LINGO2: variants seen among roughly 807,000 people sequenced by gnomAD.
LINGO2 encodes leucine-rich repeat and immunoglobulin-like domain-containing nogo receptor-interacting protein 2.
LINGO2 carries 14 observed loss-of-function variants against 30.6 expected under a neutral mutation model. The ratio of observed to expected loss-of-function variants is 0.46; its 90% CI spans 0.30 to 0.72. The LOEUF is 0.72. Ranked by LOEUF, LINGO2 falls within the 30% of genes least tolerant of loss-of-function variation. The pLI is 0.07. For synonymous variants in LINGO2, 317 were observed against 288.5 expected (o/e 1.10, Z -1.00); for missense variants, 729 against 751.7 (o/e 0.97, Z 0.35).
chr9:28,201,905 C>T (rs754821021), intron 4 of LINGO2, among the ~76,000 whole-genome samples: 19 of 152,088 alleles, frequency 1.2e-4, no homozygotes, highest in African/African-American at 4.6e-4. Context: ...GCTACACTTG[C>T]GATCTCCCTT....
In LINGO2 at chr9:28,233,061, T is replaced by TATATATATATATATATAA. The variant is rs60875467; in HGVS notation, c.-87+62146_-87+62147insTTATATATATATATATAT. ...ATATATATATATATATATATATATA[T>TATATATATATATATATAA]TAGATATATAATAGATATACAGTAA... On this transcript the variant is annotated intron_variant, in intron 4 of 5. Transcript: ENST00000379992. Among the ~76,000 whole-genome samples, 660 of 118,638 alleles carry TATATATATATATATATAA rather than the reference T, an allele frequency of 5.6e-3. 15 individuals are homozygous for TATATATATATATATATAA. Among genetic ancestry groups the TATATATATATATATATAA allele is most frequent in the African/African-American group, 0.014 (387 of 27,854 alleles). 77.8% of individuals were successfully genotyped at this position (118,638 alleles called of 152,430 possible).
At chr9:28,679,113 A>G in the LINGO2 span, among the ~76,000 whole-genome samples, 1 of 152,062 alleles carries the variant, frequency 6.6e-6, no homozygotes, top group Admixed American at 6.6e-5. Flanking sequence ...AATGACTGTA[A>G]AACACCTAGA....
At chr9:28,775,667 T>C in the LINGO2 span, among the ~76,000 whole-genome samples, 6 of 152,186 alleles carry the variant, frequency 3.9e-5, no homozygotes, top group Non-Finnish European at 7.4e-5. Flanking sequence ...AAGAAGAATT[T>C]CATGATTGAC....
the LINGO2 span, among the ~76,000 whole-genome samples, chr9:28,707,741 T>A: frequency 0.11 from 16,781 of 151,962 alleles, 1,084 homozygotes; most frequent in East Asian, 0.2. Flanking sequence ...CTTAGGGGGC[T>A]GTATCAGTAT....
chr9:29,169,570 C>T, the LINGO2 span, among the ~76,000 whole-genome samples: 1 of 151,862 alleles, frequency 6.6e-6, no homozygotes, highest in East Asian at 1.9e-4. Context: ...CAAATTAAAA[C>T]CACAGTAAGA....
chr9:28,894,982 CCAA>C, the LINGO2 span, among the ~76,000 whole-genome samples: 5 of 152,014 alleles, frequency 3.3e-5, no homozygotes, highest in Admixed American at 6.6e-5. Flanking sequence ...TATCCTTTCA[CCAA>C]CAACTGTCAC....
chr9:28,747,092 A>C, the LINGO2 span, among the ~76,000 whole-genome samples: 1 of 151,950 alleles, frequency 6.6e-6, no homozygotes, highest in Non-Finnish European at 1.5e-5. Flanking sequence ...GTGCCCAAAA[A>C]GTTGCCTTTT....
At chr9:28,557,234 C>G (rs77639873) in intron 1 of LINGO2, among the ~76,000 whole-genome samples, 3 of 151,678 alleles carry the variant, frequency 2.0e-5, no homozygotes, top group African/African-American at 7.3e-5. Context: ...AGAAAATTTT[C>G]ACAACCTACT....
intron 4 of LINGO2, among the ~76,000 whole-genome samples, chr9:28,055,428 G>A (rs1475390547): frequency 2.0e-5 from 3 of 152,104 alleles, no homozygotes; most frequent in African/African-American, 4.8e-5. Flanking sequence ...CATTTCTGTT[G>A]GGTATAAGGG....
chr9:28,768,032 T>A, the LINGO2 span, among the ~76,000 whole-genome samples: 1 of 152,106 alleles, frequency 6.6e-6, no homozygotes, highest in Non-Finnish European at 1.5e-5. Flanking sequence ...TAATTGGAGG[T>A]GCGAAATAGT....
chr9:27,972,352 AT>A (rs112987881), intron 5 of LINGO2, among the ~76,000 whole-genome samples: 10,211 of 152,244 alleles, frequency 0.067, 995 homozygotes, highest in African/African-American at 0.2. Context: ...GAATAGCAAC[AT>A]TTTGGAAACC....
At chr9:28,397,360 TATATATATATATAC>T (rs905159978) in intron 2 of LINGO2, among the ~76,000 whole-genome samples, 8 of 107,322 alleles carry the variant, frequency 7.5e-5, no homozygotes, top group African/African-American at 2.2e-4. Context: ...TTGAAGTATA[TATATATATATATAC>T]ATATATATAT....
the LINGO2 span, among the ~76,000 whole-genome samples, chr9:28,685,977 A>ATGTGTGTGTGTGTG: frequency 8.8e-4 from 128 of 145,684 alleles, no homozygotes; most frequent in African/African-American, 3.0e-3. Context: ...AACATATATG[A>ATGTGTGTGTGTGTG]TGTGTGTGTG....
intron 4 of LINGO2, among the ~76,000 whole-genome samples, chr9:28,215,425 G>T (rs118025846): frequency 6.6e-6 from 1 of 151,696 alleles, no homozygotes; most frequent in Non-Finnish European, 1.5e-5. Context: ...AAAATGTTGC[G>T]CATATAGCAG....
At chr9:29,085,583 T>C in the LINGO2 span, among the ~76,000 whole-genome samples, 11 of 152,184 alleles carry the variant, frequency 7.2e-5, no homozygotes, top group Admixed American at 3.3e-4. Flanking sequence ...GAACCTCTAA[T>C]AGTTTTGGCC....
At chr9:28,345,319 T>C (rs1819525567) in intron 3 of LINGO2, among the ~76,000 whole-genome samples, 1 of 152,132 alleles carries the variant, frequency 6.6e-6, no homozygotes, top group Admixed American at 6.6e-5. Context: ...ATAAATAAAA[T>C]TGTGAAATAT....
chr9:28,107,887 C>T (rs534565482), intron 4 of LINGO2, among the ~76,000 whole-genome samples: 1 of 152,226 alleles, frequency 6.6e-6, no homozygotes, highest in Non-Finnish European at 1.5e-5. Context: ...ACTGCAACCT[C>T]CCTTACATGT....
intron 4 of LINGO2, among the ~76,000 whole-genome samples, chr9:28,061,736 A>G (rs1026028156): frequency 2.6e-5 from 4 of 151,996 alleles, no homozygotes; most frequent in Non-Finnish European, 5.9e-5. Context: ...TGAAAGCACA[A>G]TCAAAGAAAT....
At chr9:28,313,777 A>G (rs866220982) in intron 3 of LINGO2, among the ~76,000 whole-genome samples, 2 of 152,200 alleles carry the variant, frequency 1.3e-5, no homozygotes, top group Non-Finnish European at 1.5e-5. Context: ...AGGAGTGCCA[A>G]TGAATATTAA....
Sources: allele counts gnomAD v4.1 joint callset (sites outside exome capture counted in the v4.1 genomes callset), GRCh38; gene constraint gnomAD v4.1.1; transcripts MANE v1.5; gene names NCBI Gene and HGNC (gene_info 2026-07-23, HGNC 2026-07-21).